The following LTBP1 variants were observed in gnomAD, a reference collection of about 807,000 sequenced individuals.
LTBP1 encodes the protein latent-transforming growth factor beta-binding protein 1.
In LTBP1, 129 loss-of-function variants were observed where a neutral mutation model predicts 207.6. The ratio of observed to expected loss-of-function variants is 0.62; its 90% CI spans 0.54 to 0.72. LTBP1 has a LOEUF of 0.72. Among genes scored for constraint, LTBP1 ranks in the 30% least tolerant of loss-of-function variants. The pLI, the probability that LTBP1 is intolerant of heterozygous loss-of-function variation, is 0.00. For missense variants in LTBP1, 2,281 were observed against 2,217.2 expected (o/e 1.03, Z -0.58); for synonymous variants, 963 against 833.7 (o/e 1.16, Z -2.67).
intron 24 of LTBP1, among the ~76,000 whole-genome samples, chr2:33,316,592 T>C (rs1266587768): frequency 6.6e-6 from 1 of 151,624 alleles, no homozygotes; most frequent in Non-Finnish European, 1.5e-5. Context: ...GATTGAGGGG[T>C]TTGGAAGGGA....
rs577090828 is a variant in LTBP1 at position 32,961,260 on chromosome 2, CTGCCGAGCTCTCGTGGAAA to C, written c.565+12316_565+12334del. On this transcript the variant is annotated intron_variant, in intron 2 of 33. Transcript: ENST00000404816. ...TTGTGCTGACTGGACCTCCGGGTCTCTGCCGAGCTCTCGTGGAAAGGCAAGACCCTCAGCAGGGAGCTGC... is the reference window on the plus strand; with the variant it reads ...TTGTGCTGACTGGACCTCCGGGTCTCGGCAAGACCCTCAGCAGGGAGCTGC... 4.2e-3 allele frequency among the ~76,000 whole-genome samples: 638 copies of C among 152,290 alleles called. 1 individual carries two copies. The highest frequency in any genetic ancestry group is 5.0e-3 in the Non-Finnish European group (341 of 68,026).
At chr2:33,067,408 T>C (rs972500745) in intron 3 of LTBP1, among the ~76,000 whole-genome samples, 40 of 152,242 alleles carry the variant, frequency 2.6e-4, no homozygotes, top group African/African-American at 9.4e-4. Context: ...TCTTATGCTG[T>C]CAAAAGTGAA....
chr2:33,375,500 A>G (rs2095126262), intron 31 of LTBP1, among the ~76,000 whole-genome samples: 2 of 152,090 alleles, frequency 1.3e-5, no homozygotes, highest in South Asian at 4.1e-4. Flanking sequence ...TTATGCACAC[A>G]AAGGACCATT....
At chr2:33,106,383 G>T (rs575509304) in intron 3 of LTBP1, among the ~76,000 whole-genome samples, 6 of 152,202 alleles carry the variant, frequency 3.9e-5, no homozygotes, top group African/African-American at 1.4e-4. Flanking sequence ...AATTTACTTT[G>T]CCCAGATCCA....
intron 19 of LTBP1, among the ~76,000 whole-genome samples, chr2:33,289,749 T>C (rs2093737277): frequency 6.6e-6 from 1 of 152,196 alleles, no homozygotes; most frequent in Admixed American, 6.5e-5. Context: ...TCATTATGTA[T>C]ATGCACTGGA....
chr2:33,118,136 A>G (rs890220157), intron 4 of LTBP1, among the ~76,000 whole-genome samples: 1 of 149,678 alleles, frequency 6.7e-6, no homozygotes, highest in Non-Finnish European at 1.5e-5. Context: ...TCCAGAGAAC[A>G]TGTTTGCAGC....
intron 7 of LTBP1, among the ~76,000 whole-genome samples, chr2:33,199,598 C>T (rs991223619): frequency 6.6e-6 from 1 of 152,090 alleles, no homozygotes; most frequent in African/African-American, 2.4e-5. Context: ...CATTCCTATT[C>T]AACATAGTGT....
At chr2:33,266,049 A>G (rs1009606184) in intron 15 of LTBP1, among the ~76,000 whole-genome samples, 5 of 152,182 alleles carry the variant, frequency 3.3e-5, no homozygotes, top group Non-Finnish European at 5.9e-5. Flanking sequence ...ACGGCTCCAG[A>G]TCTAGACATC....
chr2:33,178,667 A>G (rs12617948), intron 5 of LTBP1, among the ~76,000 whole-genome samples: 66,650 of 152,064 alleles, frequency 0.44, 15,300 homozygotes, highest in Non-Finnish European at 0.5. Context: ...TTAATTTTCA[A>G]AGCAGGTAAC....
intron 2 of LTBP1, among the ~76,000 whole-genome samples, chr2:32,956,811 G>GA (rs34878618): frequency 0.36 from 54,456 of 151,936 alleles, 10,367 homozygotes; most frequent in Non-Finnish European, 0.43. Flanking sequence ...TCTCAAACAA[G>GA]AAGACTTGAA....
At chr2:33,365,107 T>C (rs1359195988) in intron 30 of LTBP1, among the ~76,000 whole-genome samples, 1 of 152,132 alleles carries the variant, frequency 6.6e-6, no homozygotes, top group African/African-American at 2.4e-5. Flanking sequence ...TAGAGAACTA[T>C]TGTGTCGGGA....
chr2:33,377,665 C>A (rs2095157865), intron 31 of LTBP1, among the ~76,000 whole-genome samples: 1 of 152,136 alleles, frequency 6.6e-6, no homozygotes, highest in African/African-American at 2.4e-5. Flanking sequence ...ACAATCTGAT[C>A]CTAAAAAGCA....
chr2:33,148,149 T>G (rs1242762767), intron 5 of LTBP1, among the ~76,000 whole-genome samples: 2 of 152,222 alleles, frequency 1.3e-5, no homozygotes, highest in African/African-American at 4.8e-5. Context: ...TTCGTTGTCT[T>G]TCCAGGAAGG....
intron 4 of LTBP1, among the ~76,000 whole-genome samples, chr2:33,127,452 T>C (rs1345326030): frequency 6.6e-6 from 1 of 152,182 alleles, no homozygotes; most frequent in African/African-American, 2.4e-5. Context: ...TTCCTGTTGC[T>C]TTCCCTTCCC....
chr2:33,273,119 A>G (rs1006302550), intron 15 of LTBP1, among the ~76,000 whole-genome samples: 2 of 152,232 alleles, frequency 1.3e-5, no homozygotes, highest in African/African-American at 4.8e-5. Context: ...AGATACACCA[A>G]GAAGTTTTTC....
chr2:33,198,823 A>G (rs2149037424), intron 7 of LTBP1, among the ~76,000 whole-genome samples: 1 of 151,996 alleles, frequency 6.6e-6, no homozygotes, highest in African/African-American at 2.4e-5. Context: ...CGGTCTATCA[A>G]TTTTGTTGAT....
chr2:33,246,929 A>T (rs1335238342), intron 10 of LTBP1, among the ~76,000 whole-genome samples: 1 of 152,142 alleles, frequency 6.6e-6, no homozygotes, highest in African/African-American at 2.4e-5. Context: ...TACCTGATTT[A>T]TGGGGAAAGG....
intron 3 of LTBP1, among the ~76,000 whole-genome samples, chr2:33,071,941 G>A (rs1199692598): frequency 1.3e-5 from 2 of 152,194 alleles, no homozygotes; most frequent in African/African-American, 2.4e-5. Context: ...GTTCTGCAGT[G>A]CACACCAACT....
chr2:33,292,780 TATTG>T (rs2148838359), intron 19 of LTBP1, among the ~76,000 whole-genome samples: 1 of 152,344 alleles, frequency 6.6e-6, no homozygotes, highest in Admixed American at 6.5e-5. Context: ...TCTCCCATCC[TATTG>T]AATTCATCAA....
Sources: allele counts gnomAD v4.1 joint callset (sites outside exome capture counted in the v4.1 genomes callset), GRCh38; gene constraint gnomAD v4.1.1; transcripts MANE v1.5; gene names NCBI Gene and HGNC (gene_info 2026-07-23, HGNC 2026-07-21).